The following ELP4 variants were observed in gnomAD, a reference collection of about 807,000 sequenced individuals.
ELP4 encodes the protein elongator acetyltransferase complex subunit 4.
ELP4 carries 51 observed loss-of-function variants against 48.9 expected under a neutral mutation model. The ratio of observed to expected loss-of-function variants is 1.04; its 90% CI spans 0.83 to 1.32. The LOEUF is 1.32. Ranked by LOEUF, ELP4 falls within the 40% of genes most tolerant of loss-of-function variation. ELP4 has a pLI of 0.00. For synonymous variants in ELP4, 210 were observed against 189.2 expected, an observed-to-expected ratio of 1.11 and a Z score of -0.90; for missense variants, 519 against 514.6, an observed-to-expected ratio of 1.01 and a Z score of -0.08.
chr11:31,657,642 A>G (rs145180715), intron 9 of ELP4, among the ~76,000 whole-genome samples: 1 of 152,078 alleles, frequency 6.6e-6, no homozygotes, highest in East Asian at 1.9e-4. Context: ...TTTCATATAC[A>G]TTATTATATT....
chr11:31,550,316 T>C (rs907138016), intron 3 of ELP4, among the ~76,000 whole-genome samples: 5 of 152,150 alleles, frequency 3.3e-5, no homozygotes, highest in African/African-American at 1.2e-4. Flanking sequence ...ATGCAGAATT[T>C]GGCGCATGAT....
chr11:31,549,833 T>C (rs3112467), intron 3 of ELP4, among the ~76,000 whole-genome samples: 56,085 of 152,074 alleles, frequency 0.37, 13,004 homozygotes, highest in African/African-American at 0.66. Context: ...TCATGTCCTT[T>C]GTAGGGACAT....
At chr11:31,602,236 A>T (rs1388682577) in intron 4 of ELP4, among the ~76,000 whole-genome samples, 2 of 152,078 alleles carry the variant, frequency 1.3e-5, no homozygotes, top group Non-Finnish European at 2.9e-5. Flanking sequence ...AGAGATTGCA[A>T]TAAAAACATT....
At chr11:31,748,324 A>G (rs1435019876) in intron 9 of ELP4, among the ~76,000 whole-genome samples, 1 of 150,034 alleles carries the variant, frequency 6.7e-6, no homozygotes, top group African/African-American at 2.5e-5. Flanking sequence ...AGCTCACTGC[A>G]ACCTCCGCCT....
intron 9 of ELP4, among the ~76,000 whole-genome samples, chr11:31,747,242 G>GA (rs1376009599): frequency 7.2e-5 from 11 of 152,040 alleles, no homozygotes; most frequent in Admixed American, 6.6e-5. Context: ...TTAACTTTTG[G>GA]AAAAAAAGTT....
chr11:31,629,659 G>A (rs1385964976), intron 6 of ELP4, among the ~76,000 whole-genome samples: 1 of 151,826 alleles, frequency 6.6e-6, no homozygotes, highest in Non-Finnish European at 1.5e-5. Flanking sequence ...TAGATAATGG[G>A]ACAGTGGGTT....
chr11:31,724,934 A>G (rs547891146), intron 9 of ELP4, among the ~76,000 whole-genome samples: 16 of 152,328 alleles, frequency 1.1e-4, no homozygotes, highest in Admixed American at 2.6e-4. Flanking sequence ...GCAGACTTCA[A>G]TGAGGATCCT....
intron 9 of ELP4, among the ~76,000 whole-genome samples, chr11:31,703,411 A>G (rs1946567690): frequency 6.6e-6 from 1 of 152,192 alleles, no homozygotes; most frequent in Non-Finnish European, 1.5e-5. Flanking sequence ...ATTATAATTG[A>G]TCAAAAACAT....
intron 9 of ELP4, among the ~76,000 whole-genome samples, chr11:31,741,156 C>T (rs1159283621): frequency 5.3e-5 from 8 of 152,104 alleles, no homozygotes; most frequent in East Asian, 1.9e-4. Context: ...CACAGCAGTC[C>T]GAGATCAAAC....
chr11:31,761,549 C>CA (rs1438038937), intron 9 of ELP4, among the ~76,000 whole-genome samples: 1 of 151,362 alleles, frequency 6.6e-6, no homozygotes, highest in Non-Finnish European at 1.5e-5. Context: ...TTTATGAAAC[C>CA]AAAAAAAGAT....
chr11:31,591,427 G>T (rs1316998308), intron 3 of ELP4, among the ~76,000 whole-genome samples: 5 of 96,288 alleles, frequency 5.2e-5, no homozygotes, highest in East Asian at 2.5e-4. Flanking sequence ...AAAAAAGGGG[G>T]GGGGGGGGTA....
At chr11:31,639,480 C>T (rs1945045259) in intron 7 of ELP4, among the ~76,000 whole-genome samples, 2 of 151,814 alleles carry the variant, frequency 1.3e-5, no homozygotes, top group Admixed American at 1.3e-4. Flanking sequence ...TTGTTTCAGA[C>T]TACACATGCT....
At chr11:31,723,364 C>T (rs1592254461) in intron 9 of ELP4, among the ~76,000 whole-genome samples, 1 of 151,664 alleles carries the variant, frequency 6.6e-6, no homozygotes, top group African/African-American at 2.4e-5. Context: ...TCCCCCAGGT[C>T]CACACATACT....
At chr11:31,580,607 GCTGT>G (rs1957373897) in intron 3 of ELP4, 1 of 152,548 alleles carries the variant, frequency 6.6e-6, no homozygotes. Flanking sequence ...TCTCGCACAC[GCTGT>G]CTCTCTTGCT....
At chr11:31,731,251 T>C (rs1947179855) in intron 9 of ELP4, among the ~76,000 whole-genome samples, 1 of 152,086 alleles carries the variant, frequency 6.6e-6, no homozygotes, top group Non-Finnish European at 1.5e-5. Context: ...AAAAAACAGG[T>C]ATGTGAATTG....
chr11:31,733,232 T>A (rs1947232322), intron 9 of ELP4, among the ~76,000 whole-genome samples: 1 of 145,312 alleles, frequency 6.9e-6, no homozygotes, highest in East Asian at 1.9e-4. Context: ...TCTCAGCAAT[T>A]TGGGAGGCTG....
intron 7 of ELP4, among the ~76,000 whole-genome samples, chr11:31,641,825 A>C (rs989144295): frequency 2.6e-5 from 4 of 151,934 alleles, no homozygotes; most frequent in African/African-American, 7.2e-5. Context: ...AGCTGATTTT[A>C]AACTTTAGTA....
At chr11:31,619,635 C>T (rs534576063) in intron 5 of ELP4, among the ~76,000 whole-genome samples, 1 of 150,884 alleles carries the variant, frequency 6.6e-6, no homozygotes, top group South Asian at 2.1e-4. Flanking sequence ...CTAATCACCT[C>T]CCAAAATTTT....
intron 7 of ELP4, among the ~76,000 whole-genome samples, chr11:31,639,207 T>G (rs1945038776): frequency 6.6e-6 from 1 of 151,852 alleles, no homozygotes; most frequent in Non-Finnish European, 1.5e-5. Flanking sequence ...CTTTAATGTT[T>G]TCAGATCTTC....
Sources: gnomAD v4.1 joint callset for allele counts (sites outside exome capture counted in the v4.1 genomes callset) on GRCh38, gnomAD v4.1.1 for gene constraint, MANE v1.5 for transcripts, NCBI Gene and HGNC (gene_info 2026-07-23, HGNC 2026-07-21) for gene names.